SLC29A2: variants seen among roughly 807,000 people sequenced by gnomAD.
The protein encoded by SLC29A2 is solute carrier family 29 member 2.
A neutral mutation model predicts 48.8 loss-of-function variants in SLC29A2; 37 were observed. The observed-to-expected ratio is 0.76, with a 90% CI of 0.58 to 1.00. The LOEUF (loss-of-function observed/expected upper bound fraction) is 1.00. SLC29A2 is among the 50% of genes least tolerant of loss of function. The pLI is 0.00. For missense variants in SLC29A2, 533 were observed against 578.6 expected, an observed-to-expected ratio of 0.92 and a Z score of 0.81; for synonymous variants, 233 against 261.7, an observed-to-expected ratio of 0.89 and a Z score of 1.06.
intron 11 of SLC29A2, 97 bp from the exon 12 acceptor site, chr11:66,363,644 A>C (rs1855496919): frequency 2.3e-6 from 2 of 873,736 alleles, no homozygotes; most frequent in African/African-American, 1.7e-5. Context: ...GCTCTGACCC[A>C]ACCCCTCTGT....
upstream of SLC29A2, chr11:66,372,026 G>T (rs1856083482): frequency 4.5e-6 from 1 of 221,408 alleles, no homozygotes; most frequent in Admixed American, 5.8e-5. Flanking sequence ...CCCCCGCCGA[G>T]AGCTCTGTAG....
Position 66,371,284 on chromosome 11 carries a change from C to A in SLC29A2, c.71G>T (p.Gly24Val). 6.2e-7 allele frequency: 1 copy of A among 1,613,856 alleles called. No homozygotes were observed. The highest frequency in any genetic ancestry group is 8.5e-7 in the Non-Finnish European group (1 of 1,179,998). The change falls in exon 2 of 12, where the codon GGC becomes GTC. Residue 24 changes from glycine to valine, a missense_variant. By Grantham distance (109) the Gly-to-Val change is moderately radical. Coordinates refer to ENST00000357440, the MANE Select transcript of SLC29A2 (RefSeq NM_001532.3). ...GAAGAAGTTCCAGGGAAGGAGGGTGCCCAGCCCCAGGATGAAGAAGCTGAT... is the reference window on the plus strand; with the variant it reads ...GAAGAAGTTCCAGGGAAGGAGGGTGACCAGCCCCAGGATGAAGAAGCTGAT... ...VGISFFILGL[G>V]TLLPWNFFIT...
chr11:66,368,684 G>A lies in SLC29A2; in HGVS notation c.416-13C>T, dbSNP rs1276749838. ...ACTGCACTGAAGGCTGTGGAGGACAGGGATGGGGGCTGCTGCTCAACTAGG... is the reference window on the plus strand; with the variant it reads ...ACTGCACTGAAGGCTGTGGAGGACAAGGATGGGGGCTGCTGCTCAACTAGG... On this transcript the variant is annotated splice_polypyrimidine_tract_variant and intron_variant, in intron 4 of 11. Transcript: ENST00000357440. The A allele has an allele frequency of 6.3e-7, 1 of 1,590,682 alleles. No homozygotes were observed. Among genetic ancestry groups the A allele is most frequent in the Non-Finnish European group, 8.6e-7 (1 of 1,168,730 alleles).
intron 2 of SLC29A2, among the ~76,000 whole-genome samples, chr11:66,370,456 G>A (rs973453018): frequency 1.3e-5 from 2 of 152,186 alleles, no homozygotes; most frequent in African/African-American, 2.4e-5. Context: ...TGAATAACCC[G>A]GTCCCAAAGA....
At chr11:66,363,807 C>A (rs941242262) in intron 11 of SLC29A2, 1 of 548,474 alleles carries the variant, frequency 1.8e-6, no homozygotes, top group East Asian at 3.2e-5. Context: ...GCCTGTCTGC[C>A]CTGCCAGCTT....
chr11:66,368,371 AG>A (rs1855828240), intron 5 of SLC29A2, among the ~76,000 whole-genome samples, 165 bp downstream of exon 5: 1 of 152,056 alleles, frequency 6.6e-6, no homozygotes, highest in Non-Finnish European at 1.5e-5. Flanking sequence ...TCCTCACTGC[AG>A]GGCCCATGAG....
Position 66,367,832 on chromosome 11 carries a change from A to G in SLC29A2, c.588T>C (p.Phe196=). The G allele has an allele frequency of 6.2e-7, 1 of 1,614,164 alleles. No individual in the cohort carries two copies. The highest frequency in any genetic ancestry group is 2.2e-5 in the East Asian group (1 of 44,884). The change falls in exon 6 of 12, where the codon TTT becomes TTC. Residue 196 remains phenylalanine (F), a synonymous_variant. Transcript: ENST00000357440. ...VDAETSALGY[F]ITPCVGILMS... ...TGAGGATGCCCACACAGGGCGTGAT[A>G]AAGTACCCCAGGGCAGAGGTCTCGG...
At position 66,369,350 on chromosome 11, in the gene SLC29A2, G is replaced by A. The variant is rs752396559; in HGVS notation, c.275+19C>T. The stretch of plus-strand genomic sequence containing the variant: ...AGCTGCCTCGGCAGAGGGCGCAGGA[G>A]CCAGGGCAGGCCTCTCACCACTGGT... On this transcript the variant is annotated intron_variant, in intron 3 of 11. Transcript: ENST00000357440. 1.2e-6 allele frequency: 2 copies of A among 1,613,728 alleles called. No individual in the cohort carries two copies. The highest frequency in any genetic ancestry group is 1.1e-5 in the South Asian group (1 of 91,078).
rs779458480 is a variant in SLC29A2 at position 66,367,566 on chromosome 11, A to G, written c.649-18T>C. On this transcript the variant is annotated intron_variant, in intron 6 of 11. Transcript: ENST00000357440. Reference sequence around the variant, plus strand: ...GCAAACTTCTGCAGAAGGACAGGAAAGTGTTGGGCCTGCCTGGCTTGCCTG... The same window carrying G: ...GCAAACTTCTGCAGAAGGACAGGAAGGTGTTGGGCCTGCCTGGCTTGCCTG... The G allele has an allele frequency of 6.8e-6, 11 of 1,613,294 alleles. No homozygotes were observed. Among genetic ancestry groups the G allele is most frequent in the South Asian group, 1.1e-5 (1 of 91,062 alleles).
At chr11:66,367,904 C>G (rs377723812) in intron 5 of SLC29A2, 35 bp from the exon 6 acceptor site, 11 of 1,573,186 alleles carry the variant, frequency 7.0e-6, no homozygotes, top group East Asian at 4.5e-5. Context: ...AGAGAGGCAC[C>G]TGGTCCCGCC....
chr11:66,364,095 G>T, intron 11 of SLC29A2, 130 bp downstream of exon 11: 1 of 790,600 alleles, frequency 1.3e-6, no homozygotes, highest in African/African-American at 1.7e-5. Flanking sequence ...CGCCAGCAAG[G>T]CCTGCAGACA....
chr11:66,369,260 G>A (rs77620085), intron 3 of SLC29A2, 61 bp from the exon 4 acceptor site: 4 of 1,586,714 alleles, frequency 2.5e-6, no homozygotes, highest in Middle Eastern at 2.1e-4. Flanking sequence ...TGGGGAAGGA[G>A]GCTCGACACC....
In SLC29A2 at chr11:66,368,671, G is replaced by T. The variant is rs1020700270; in HGVS notation, c.416C>A (p.Ser139Tyr). The T allele has an allele frequency of 2.5e-6, 4 of 1,595,938 alleles. No homozygotes were observed. Among genetic ancestry groups the T allele is most frequent in the African/African-American group, 1.3e-5 (1 of 74,772 alleles). Residue 139 changes from serine to tyrosine, a missense_variant and splice_region_variant, in exon 5 of 12, where the codon TCC (serine) becomes TAC (tyrosine). Ser to Tyr is a moderately radical substitution (Grantham distance 144). Transcript: ENST00000357440. The part of the protein sequence containing the change: ...ITMASVCFIN[S>Y]FSAVLQGSLF... ...GCTGCCCTGTAGGACTGCACTGAAGGCTGTGGAGGACAGGGATGGGGGCTG... is the reference window on the plus strand; with the variant it reads ...GCTGCCCTGTAGGACTGCACTGAAGTCTGTGGAGGACAGGGATGGGGGCTG...
At chr11:66,367,583 G>T in intron 6 of SLC29A2, 35 bp from the exon 7 acceptor site, 1 of 1,606,162 alleles carries the variant, frequency 6.2e-7, no homozygotes, top group Non-Finnish European at 8.5e-7. Flanking sequence ...GGCCTGCCTG[G>T]CTTGCCTGAG....
intron 3 of SLC29A2, 79 bp downstream of exon 3, chr11:66,369,290 T>TG: frequency 3.8e-6 from 6 of 1,574,506 alleles, no homozygotes; most frequent in South Asian, 2.2e-5. Flanking sequence ...GCAGTAGGGC[T>TG]GGGGGGCAGG....
chr11:66,366,503 C>T lies in SLC29A2; in HGVS notation c.795G>A (p.Glu265=), dbSNP rs8187657. ...CATCTGGCTCTGATTCCGGCTCCTT[C>T]TCCAGGTCAAGATCCAGGGTCAGAG... The part of the protein sequence containing the change: ...KVALTLDLDL[E]KEPESEPDEP... Residue 265 remains glutamate, a synonymous_variant, in exon 8 of 12, where the codon GAG becomes GAA. Transcript: ENST00000357440. The T allele has an allele frequency of 8.2e-4, 1,325 of 1,614,142 alleles. 2 individuals are homozygous for T. Among genetic ancestry groups the T allele is most frequent in the Non-Finnish European group, 7.3e-4 (857 of 1,180,046 alleles).
intron 3 of SLC29A2, 45 bp from the exon 4 acceptor site, chr11:66,369,244 G>T: frequency 6.3e-7 from 1 of 1,583,078 alleles, no homozygotes; most frequent in South Asian, 1.1e-5. Flanking sequence ...CCAGGCCAGA[G>T]GGGGCTGGGG....
In SLC29A2 at chr11:66,362,689, G is replaced by A. The variant is rs922858941; in HGVS notation, c.*747C>T. 1.3e-5 allele frequency: 2 copies of A among 152,218 alleles called. No individual in the cohort carries two copies. The highest frequency in any genetic ancestry group is 2.4e-5 in the African/African-American group (1 of 41,424). The allele number at this position is 152,218 out of a possible 1,614,324, so 9.4% of individuals were successfully genotyped here. A position where few individuals can be genotyped will look rare whatever the true frequency, so the allele number is the denominator to read the frequency against. On this transcript the variant is annotated 3_prime_UTR_variant, in exon 12 of 12. Transcript: ENST00000357440. ...GAGGAGAGAGAGGGGATTGGGTCCC[G>A]GCTCTACCACGGACCAGTCACTTTC...
rs1348207077 is a variant in SLC29A2 at position 66,369,098 on chromosome 11, A to T, written c.377T>A (p.Phe126Tyr). The change falls in exon 4 of 12, where the codon TTC (phenylalanine) becomes TAC (tyrosine). Residue 126 changes from phenylalanine (F) to tyrosine (Y), a missense_variant. Coordinates refer to ENST00000357440, the MANE Select transcript of SLC29A2 (RefSeq NM_001532.3). ...LVKVDMSPGPFFSITMASVCF... is the reference protein window; with the variant it reads ...LVKVDMSPGPYFSITMASVCF... ...GACGGAGGCCATGGTGATGGAGAAG[A>T]AGGGTCCGGGGCTCATGTCCACCTT... is the stretch of plus-strand genomic sequence containing the variant. 1.3e-6 allele frequency: 2 copies of T among 1,598,372 alleles called. No homozygotes were observed.
Sources: gnomAD v4.1 joint callset for allele counts (sites outside exome capture counted in the v4.1 genomes callset) on GRCh38, gnomAD v4.1.1 for gene constraint, MANE v1.5 for transcripts, NCBI Gene and HGNC (gene_info 2026-07-23, HGNC 2026-07-21) for gene names.